Variants in WDR11 observed in about 807,000 individuals in gnomAD.
The protein encoded by WDR11 is WD repeat-containing protein 11.
In WDR11, 83 loss-of-function variants were observed where a neutral mutation model predicts 151.2. The ratio of observed to expected loss-of-function variants is 0.55; its 90% confidence interval spans 0.46 to 0.66. The LOEUF (loss-of-function observed/expected upper bound fraction) is 0.66, where lower values mean the gene tolerates loss of function less well. Among genes scored for constraint, WDR11 ranks in the 30% least tolerant of loss-of-function variants. WDR11 has a pLI of 0.00. For synonymous variants in WDR11, 484 were observed against 533.1 expected (o/e 0.91, Z 1.27); for missense variants, 1,301 against 1,480.9 (o/e 0.88, Z 1.99).
intron 2 of WDR11, among the ~76,000 whole-genome samples, chr10:120,852,869 A>G (rs1221147693): frequency 6.6e-6 from 1 of 152,228 alleles, no homozygotes; most frequent in Non-Finnish European, 1.5e-5. Context: ...ACCATTTACA[A>G]GACCACTCAG....
intron 9 of WDR11, among the ~76,000 whole-genome samples, chr10:120,868,156 C>T (rs11199608): frequency 0.37 from 56,531 of 151,832 alleles, 10,624 homozygotes; most frequent in Admixed American, 0.44. Flanking sequence ...ATAAGTGATG[C>T]ACTAGAAAGA....
intron 2 of WDR11, among the ~76,000 whole-genome samples, chr10:120,855,438 C>A (rs1409364616): frequency 6.6e-6 from 1 of 151,088 alleles, no homozygotes; most frequent in Non-Finnish European, 1.5e-5. Context: ...TATTTTCTCT[C>A]AATTTGTGGG....
intron 26 of WDR11, 159 bp downstream of exon 26, chr10:120,905,575 T>A: frequency 1.2e-6 from 1 of 818,704 alleles, no homozygotes; most frequent in Non-Finnish European, 2.0e-6. Context: ...TTTATGAGTG[T>A]AAATTGCATT....
chr10:120,868,501 T>C (rs1196485675), intron 9 of WDR11, among the ~76,000 whole-genome samples: 3 of 152,200 alleles, frequency 2.0e-5, no homozygotes, highest in Non-Finnish European at 2.9e-5. Context: ...ATTAATTAGA[T>C]CACATTTATT....
At chr10:120,885,723 T>G in intron 14 of WDR11, 91 bp from the exon 15 acceptor site, 1 of 1,489,418 alleles carries the variant, frequency 6.7e-7, no homozygotes, top group Non-Finnish European at 9.3e-7. Context: ...TAAATGATAC[T>G]GGGCAGTGGT....
chr10:120,856,282 A>C (rs1423090256), intron 2 of WDR11, among the ~76,000 whole-genome samples: 1 of 152,134 alleles, frequency 6.6e-6, no homozygotes, highest in East Asian at 1.9e-4. Context: ...CTTTACAAAT[A>C]TCATTCCATT....
rs1325644249 is a variant in WDR11 at position 120,867,157 on chromosome 10, G to T, written c.1282G>T (p.Asp428Tyr). 1.2e-6 allele frequency: 2 copies of T among 1,613,064 alleles called. No individual in the cohort carries two copies. The highest frequency in any genetic ancestry group is 1.7e-6 in the Non-Finnish European group (2 of 1,179,226). ...LQNKLPDLSL[D>Y]NMIGQSAIAG... ...GAATAAACTCCCAGACCTTTCCTTA[G>T]ATAACATGATTGGTAAGCTTTTTTC... is the stretch of plus-strand genomic sequence containing the variant. Residue 428 changes from aspartate (D) to tyrosine (Y), a missense_variant, in exon 9 of 29, where the codon GAT becomes TAT. Asp to Tyr is a radical substitution (Grantham distance 160). Coordinates refer to ENST00000263461, the MANE Select transcript of WDR11 (RefSeq NM_018117.12).
intron 2 of WDR11, among the ~76,000 whole-genome samples, chr10:120,856,902 CTT>C (rs1845966846): frequency 6.6e-6 from 1 of 152,064 alleles, no homozygotes; most frequent in South Asian, 2.1e-4. Flanking sequence ...AATACTGAAA[CTT>C]TGTTTGCTCC....
intron 2 of WDR11, among the ~76,000 whole-genome samples, chr10:120,856,464 A>G (rs1217215990): frequency 3.3e-5 from 5 of 151,050 alleles, no homozygotes; most frequent in Non-Finnish European, 1.5e-5. Flanking sequence ...AATCCCAGCT[A>G]CTTGGGAGGC....
intron 19 of WDR11, among the ~76,000 whole-genome samples, chr10:120,898,544 T>C (rs952396131): frequency 6.6e-5 from 10 of 152,172 alleles, no homozygotes; most frequent in Admixed American, 6.5e-4. Flanking sequence ...TGGCTCTGTG[T>C]CTCCACCCAA....
At chr10:120,896,258 G>A (rs1008838492) in intron 19 of WDR11, among the ~76,000 whole-genome samples, 3 of 152,100 alleles carry the variant, frequency 2.0e-5, no homozygotes, top group Non-Finnish European at 4.4e-5. Flanking sequence ...TCATGCACAC[G>A]TTTGCTTACT....
At chr10:120,861,360 A>G (rs1040374020) in intron 4 of WDR11, among the ~76,000 whole-genome samples, 1 of 152,196 alleles carries the variant, frequency 6.6e-6, no homozygotes, top group Non-Finnish European at 1.5e-5. Context: ...AAATGTTTGT[A>G]TATGGACGTG....
intron 28 of WDR11, 115 bp downstream of exon 28, chr10:120,906,970 A>G (rs1848078059): frequency 2.7e-6 from 4 of 1,475,426 alleles, no homozygotes; most frequent in Non-Finnish European, 3.8e-6. Flanking sequence ...TGAAAGATCC[A>G]TGTTCTGATT....
At position 120,889,161 on chromosome 10, in the gene WDR11, G is replaced by A. The variant is rs926772999; in HGVS notation, c.2205G>A (p.Trp735Ter). The change falls in exon 17 of 29, where the codon TGG becomes TGA. Residue 735 changes from tryptophan to a stop codon, truncating the protein, a stop_gained. Coordinates refer to ENST00000263461, the MANE Select transcript of WDR11 (RefSeq NM_018117.12). LOFTEE classifies it high-confidence loss of function. ...LGDMDGNLNF[W>*]DLKGRVSRGI... ...ATATGGATGGAAATTTAAATTTCTG[G>A]GACTTGAAAGGCAGAGTATCCAGGT... 1 of 1,612,532 alleles carries A rather than the reference G, an allele frequency of 6.2e-7. No individual in the cohort carries two copies. Among genetic ancestry groups the A allele is most frequent in the Non-Finnish European group, 8.5e-7 (1 of 1,178,724 alleles).
At chr10:120,859,166 T>A (rs920067815) in intron 3 of WDR11, among the ~76,000 whole-genome samples, 8 of 152,212 alleles carry the variant, frequency 5.3e-5, no homozygotes, top group African/African-American at 1.9e-4. Context: ...AGTAATTTGT[T>A]CATTATCAGA....
Position 120,878,561 on chromosome 10 carries a change from T to A in WDR11, c.1663+102T>A, listed in dbSNP as rs1992274. 298,613 of 886,614 alleles carry A rather than the reference T, an allele frequency of 0.34. 51,879 individuals carry two copies. The highest frequency in any genetic ancestry group is 0.47 in the Admixed American group (21,843 of 46,754). The allele number at this position is 886,614 out of a possible 1,614,324, so 54.9% of individuals were successfully genotyped here. A position where few individuals can be genotyped will look rare whatever the true frequency, so the allele number is the denominator to read the frequency against. On this transcript the variant is annotated intron_variant, in intron 12 of 28. Transcript: ENST00000263461. ...CTTCTTTCACCTTGGAATTTTTTTT[T>A]ATATTTCATGCTTATATATTTATTC...
At chr10:120,878,237 TTTTAA>T (rs1846869914) in intron 11 of WDR11, 111 bp from the exon 12 acceptor site, 1 of 772,106 alleles carries the variant, frequency 1.3e-6, no homozygotes, top group Admixed American at 2.3e-5. Flanking sequence ...CATGCTTACT[TTTTAA>T]TTAATTTGTG....
chr10:120,901,110 A>G lies in WDR11; in HGVS notation c.2687+12A>G, dbSNP rs941536934. The G allele has an allele frequency of 6.3e-7, 1 of 1,588,484 alleles. No homozygotes were observed. Among genetic ancestry groups the G allele is most frequent in the South Asian group, 1.1e-5 (1 of 90,494 alleles). On this transcript the variant is annotated intron_variant, in intron 21 of 28. Transcript: ENST00000263461. ...AATTCATTGTCTAAGTAAGCACTCC[A>G]TGTTTCATTAGAAGATAGGAATATG... is the stretch of plus-strand genomic sequence containing the variant.
chr10:120,879,900 T>C (rs1846938314), intron 12 of WDR11: 1 of 152,240 alleles, frequency 6.6e-6, no homozygotes, highest in African/African-American at 2.4e-5. Context: ...GTAGAATTTA[T>C]ACTTTTTTTA....
Sources: allele counts gnomAD v4.1 joint callset (sites outside exome capture counted in the v4.1 genomes callset), GRCh38; gene constraint gnomAD v4.1.1; transcripts MANE v1.5; gene names NCBI Gene and HGNC (gene_info 2026-07-23, HGNC 2026-07-21).